Variants in KIF16B observed in about 807,000 individuals in gnomAD.
The protein encoded by KIF16B is kinesin family member 16B.
KIF16B carries 98 observed loss-of-function variants against 156.3 expected under a neutral mutation model. The ratio of observed to expected loss-of-function variants is 0.63; its 90% CI spans 0.53 to 0.74. The LOEUF is 0.74. Among genes scored for constraint, KIF16B ranks in the 30% least tolerant of loss-of-function variants. KIF16B has a pLI of 0.00. For synonymous variants in KIF16B, 564 were observed against 583.7 expected (o/e 0.97, Z 0.49); for missense variants, 1,421 against 1,606.5 (o/e 0.88, Z 1.97).
intron 25 of KIF16B, among the ~76,000 whole-genome samples, chr20:16,295,992 A>G (rs2063380968): frequency 6.6e-6 from 1 of 152,150 alleles, no homozygotes; most frequent in South Asian, 2.1e-4. Context: ...TTTTAGCTGT[A>G]TTTCTATCTG....
intron 17 of KIF16B, among the ~76,000 whole-genome samples, chr20:16,386,610 A>G (rs1001900342): frequency 1.3e-5 from 2 of 151,752 alleles, no homozygotes; most frequent in Non-Finnish European, 2.9e-5. Context: ...ACTTGTGCCT[A>G]TTTAAATCCT....
intron 15 of KIF16B, among the ~76,000 whole-genome samples, chr20:16,422,158 TTA>T (rs2066242095): frequency 6.6e-6 from 1 of 152,092 alleles, no homozygotes; most frequent in Non-Finnish European, 1.5e-5. Context: ...CACAAGACAA[TTA>T]GAGAGGTAAT....
At chr20:16,532,994 T>G (rs1220830546) in intron 1 of KIF16B, among the ~76,000 whole-genome samples, 2 of 152,156 alleles carry the variant, frequency 1.3e-5, no homozygotes, top group African/African-American at 4.8e-5. Context: ...GCGTTCCTAG[T>G]TCTAAATTAA....
rs756485333 is a variant in KIF16B at position 16,291,500 on chromosome 20, C to CT, written c.3796-18090dup. 4.6e-5 allele frequency among the ~76,000 whole-genome samples: 7 copies of CT among 152,256 alleles called. No individual in the cohort carries two copies. In the East Asian group the frequency reaches 9.7e-4, roughly 21 times the overall value. On this transcript the variant is annotated intron_variant, in intron 25 of 25. Transcript: ENST00000354981. ...TCATCAAAACTTTTAGGACGAGTGA[C>CT]TTTTTTTAGCTGCAATGCTGCAATA...
intron 5 of KIF16B, among the ~76,000 whole-genome samples, chr20:16,512,335 A>G (rs551806865): frequency 8.5e-5 from 13 of 152,344 alleles, no homozygotes; most frequent in Admixed American, 1.3e-4. Context: ...GCAGTCAAGT[A>G]GGTGTAAAAA....
chr20:16,524,175 G>T (rs1485071664), intron 3 of KIF16B, among the ~76,000 whole-genome samples: 2 of 152,114 alleles, frequency 1.3e-5, no homozygotes, highest in African/African-American at 2.4e-5. Flanking sequence ...GTGACAAATG[G>T]GATCTAATTA....
chr20:16,421,780 T>C (rs2066232532), intron 15 of KIF16B, among the ~76,000 whole-genome samples: 1 of 152,170 alleles, frequency 6.6e-6, no homozygotes, highest in Non-Finnish European at 1.5e-5. Flanking sequence ...TCAAACATAG[T>C]ATTTTTATGT....
At chr20:16,316,002 G>A (rs748484743) in intron 24 of KIF16B, among the ~76,000 whole-genome samples, 14 of 152,192 alleles carry the variant, frequency 9.2e-5, no homozygotes, top group Non-Finnish European at 7.3e-5. Context: ...CAACTGCAAC[G>A]TGAGTGAATC....
intron 1 of KIF16B, among the ~76,000 whole-genome samples, chr20:16,530,228 C>T (rs1358529251): frequency 6.6e-6 from 1 of 152,172 alleles, no homozygotes; most frequent in Non-Finnish European, 1.5e-5. Context: ...CCTTCTAACA[C>T]GGCTCCCAGT....
chr20:16,537,090 C>T (rs187023249), intron 1 of KIF16B, among the ~76,000 whole-genome samples: 1 of 151,568 alleles, frequency 6.6e-6, no homozygotes, highest in East Asian at 2.0e-4. Flanking sequence ...CTCTCACACA[C>T]ACTCCATCGT....
chr20:16,366,234 GGA>G (rs1296762614), intron 22 of KIF16B, among the ~76,000 whole-genome samples: 1 of 152,054 alleles, frequency 6.6e-6, no homozygotes, highest in Non-Finnish European at 1.5e-5. Context: ...GCCTGAGAAG[GGA>G]GGCCAGCAAA....
chr20:16,281,149 T>A (rs1396233890), intron 25 of KIF16B, among the ~76,000 whole-genome samples: 2 of 152,214 alleles, frequency 1.3e-5, no homozygotes, highest in Non-Finnish European at 2.9e-5. Flanking sequence ...AATTTTAACA[T>A]AAATCTATAA....
chr20:16,337,179 G>T (rs780579997), intron 23 of KIF16B, among the ~76,000 whole-genome samples: 4 of 152,158 alleles, frequency 2.6e-5, no homozygotes, highest in Non-Finnish European at 4.4e-5. Flanking sequence ...CCACCTCAGG[G>T]CCTTTGCACG....
At chr20:16,540,505 C>T (rs991605486) in intron 1 of KIF16B, among the ~76,000 whole-genome samples, 1 of 152,194 alleles carries the variant, frequency 6.6e-6, no homozygotes, top group African/African-American at 2.4e-5. Context: ...GCAAAAGCTA[C>T]TGACCCTCTT....
chr20:16,564,396 C>T (rs117419890), intron 1 of KIF16B, among the ~76,000 whole-genome samples: 11 of 152,060 alleles, frequency 7.2e-5, no homozygotes, highest in African/African-American at 2.2e-4. Context: ...AATAAACATA[C>T]GTGTGCATCG....
intron 24 of KIF16B, among the ~76,000 whole-genome samples, chr20:16,329,415 A>G (rs1322383465): frequency 1.3e-5 from 2 of 152,190 alleles, no homozygotes; most frequent in African/African-American, 2.4e-5. Context: ...GATATTTAAA[A>G]GCCTTACACT....
Position 16,273,271 on chromosome 20 carries a change from G to A in KIF16B, c.3936C>T (p.Ser1312=). 6.2e-7 allele frequency: 1 copy of A among 1,614,002 alleles called. No individual in the cohort carries two copies. Among genetic ancestry groups the A allele is most frequent in the Non-Finnish European group, 8.5e-7 (1 of 1,179,860 alleles). ...CCTGGCTCTACCCCGTCCCGTGGCT[G>A]CTGTAGTCAAAGACTCCTTTCTTGA... The part of the protein sequence containing the change: ...PFFKKGVFDY[S]SHGTG Residue 1312 remains serine, a synonymous_variant, in exon 26 of 26, where the codon AGC becomes AGT. Transcript: ENST00000354981.
intron 12 of KIF16B, among the ~76,000 whole-genome samples, chr20:16,440,018 C>T (rs2146519227): frequency 6.6e-6 from 1 of 152,256 alleles, no homozygotes; most frequent in South Asian, 2.1e-4. Context: ...GTAACTCCAC[C>T]CCTACTCCCA....
At chr20:16,305,813 A>G (rs2063533154) in intron 25 of KIF16B, among the ~76,000 whole-genome samples, 1 of 152,136 alleles carries the variant, frequency 6.6e-6, no homozygotes, top group African/African-American at 2.4e-5. Flanking sequence ...CACTTAACAT[A>G]ATGACCTCCA....
Sources: gnomAD v4.1 joint callset for allele counts (sites outside exome capture counted in the v4.1 genomes callset) on GRCh38, gnomAD v4.1.1 for gene constraint, MANE v1.5 for transcripts, NCBI Gene and HGNC (gene_info 2026-07-23, HGNC 2026-07-21) for gene names.